Variants in CELF2 observed in about 807,000 individuals in gnomAD.
The protein encoded by CELF2 is CUG triplet repeat RNA-binding protein 2.
Under a neutral mutation model 62.6 loss-of-function variants are expected in CELF2, and 8 were observed. The observed-to-expected ratio is 0.13, with a 90% CI of 0.07 to 0.23. The LOEUF (loss-of-function observed/expected upper bound fraction) is 0.23, where lower values mean the gene tolerates loss of function less well. Among genes scored for constraint, CELF2 ranks in the 10% least tolerant of loss-of-function variants. CELF2 has a pLI of 1.00. For synonymous variants in CELF2, 258 were observed against 250.0 expected, an observed-to-expected ratio of 1.03 and a Z score of -0.30; for missense variants, 333 against 671.0, an observed-to-expected ratio of 0.50 and a Z score of 5.56.
the CELF2 span, among the ~76,000 whole-genome samples, chr10:10,681,801 A>G: frequency 1.3e-5 from 2 of 152,204 alleles, no homozygotes; most frequent in South Asian, 2.1e-4. Context: ...CTCCTAATTC[A>G]TCAATCTTAC....
At chr10:10,574,872 GTTT>G in the CELF2 span, among the ~76,000 whole-genome samples, 5 of 105,978 alleles carry the variant, frequency 4.7e-5, no homozygotes, top group African/African-American at 9.6e-5. Flanking sequence ...ACCATGCCTG[GTTT>G]TTTTTTTTTT....
intron 3 of CELF2, among the ~76,000 whole-genome samples, chr10:11,218,271 A>C (rs1470274520): frequency 6.6e-6 from 1 of 152,258 alleles, no homozygotes; most frequent in Non-Finnish European, 1.5e-5. Flanking sequence ...TGTTATAATG[A>C]AGCACCTGTG....
At chr10:10,560,974 CA>C in the CELF2 span, among the ~76,000 whole-genome samples, 3 of 141,272 alleles carry the variant, frequency 2.1e-5, no homozygotes, top group Non-Finnish European at 3.0e-5. Flanking sequence ...TATGAGGATG[CA>C]AAGGCATAAG....
At chr10:10,680,358 G>T in the CELF2 span, among the ~76,000 whole-genome samples, 1 of 152,150 alleles carries the variant, frequency 6.6e-6, no homozygotes, top group Non-Finnish European at 1.5e-5. Context: ...AACAGTTTTG[G>T]TTTATTATAG....
chr10:11,332,984 C>T lies in CELF2; in HGVS notation c.*3931C>T, dbSNP rs2096057409. On this transcript the variant is annotated 3_prime_UTR_variant, in exon 13 of 13. Transcript: ENST00000633077. ...CGTACGTGGAAACACAAGAGCCCAC[C>T]ACTTGAATTTCTAAGACCATTTCAT... The T allele has an allele frequency of 6.6e-6, 1 of 152,628 alleles. No homozygotes were observed. The highest frequency in any genetic ancestry group is 2.4e-5 in the African/African-American group (1 of 41,454). The allele number at this position is 152,628 out of a possible 1,614,324, so 9.5% of individuals were successfully genotyped here. A position where few individuals can be genotyped will look rare whatever the true frequency, so the allele number is the denominator to read the frequency against.
Position 11,012,813 on chromosome 10 carries a change from C to T in CELF2, c.53+7373C>T, listed in dbSNP as rs1175577689. On this transcript the variant is annotated intron_variant, in intron 1 of 12. Coordinates refer to the CELF2 transcript ENST00000416382. The surrounding 1 kb of genome is among the most constrained non-coding windows in gnomAD (Gnocchi z 5.5). ...CCGCCAGGCTGGCACCAGATAAGGG[C>T]ACTTGGTATGGTTTGACAAATCTCG... is the stretch of plus-strand genomic sequence containing the variant. Among the ~76,000 whole-genome samples, 1 of 152,020 alleles carries T rather than the reference C, an allele frequency of 6.6e-6. No homozygotes were observed. The highest frequency in any genetic ancestry group is 1.5e-5 in the Non-Finnish European group (1 of 68,024).
chr10:10,578,112 G>A, the CELF2 span, among the ~76,000 whole-genome samples: 1 of 152,202 alleles, frequency 6.6e-6, no homozygotes, highest in South Asian at 2.1e-4. Context: ...GATGGCCAGT[G>A]ATGATGAGCA....
At chr10:10,653,427 C>G in the CELF2 span, among the ~76,000 whole-genome samples, 1 of 148,186 alleles carries the variant, frequency 6.7e-6, no homozygotes, top group Non-Finnish European at 1.5e-5. Context: ...TTTTTCAGCA[C>G]CACACCACAC....
intron 5 of CELF2, among the ~76,000 whole-genome samples, chr10:11,259,777 A>G (rs79501089): frequency 6.6e-6 from 1 of 152,234 alleles, no homozygotes; most frequent in Non-Finnish European, 1.5e-5. Flanking sequence ...CATCATATAT[A>G]TGTCCACTTA....
chr10:10,504,957 T>A, the CELF2 span, among the ~76,000 whole-genome samples: 1 of 152,186 alleles, frequency 6.6e-6, no homozygotes, highest in Non-Finnish European at 1.5e-5. Context: ...TTGTAATTGC[T>A]TGTTGAAGTA....
intron 4 of CELF2, among the ~76,000 whole-genome samples, chr10:11,253,944 A>C (rs1333321984): frequency 1.3e-5 from 2 of 152,014 alleles, no homozygotes; most frequent in African/African-American, 4.8e-5. Context: ...TTGGTTTTTT[A>C]ATTCCTTAAA....
At chr10:10,856,719 A>T (rs542024308) in intron 1 of CELF2, among the ~76,000 whole-genome samples, 165 of 152,284 alleles carry the variant, frequency 1.1e-3, no homozygotes, top group South Asian at 2.1e-3. Context: ...TTCTCAAAGG[A>T]TTTACTTCTG....
the CELF2 span, among the ~76,000 whole-genome samples, chr10:10,496,927 T>G: frequency 1.3e-5 from 2 of 152,114 alleles, no homozygotes; most frequent in Non-Finnish European, 2.9e-5. Context: ...AAGTGGTTCA[T>G]GCCTGTAATC....
Position 11,211,604 on chromosome 10 carries a change from T to C in CELF2, c.272-5821T>C, listed in dbSNP as rs1486825812. 1.3e-5 allele frequency among the ~76,000 whole-genome samples: 2 copies of C among 152,192 alleles called. No homozygotes were observed. Among genetic ancestry groups the C allele is most frequent in the Non-Finnish European group, 2.9e-5 (2 of 68,032 alleles). On this transcript the variant is annotated intron_variant, in intron 2 of 12. Coordinates refer to ENST00000633077, the MANE Select transcript of CELF2 (RefSeq NM_001326342.2). The surrounding 1 kb of genome is among the most constrained non-coding windows in gnomAD (Gnocchi z 4.8). ...TCCTGTGAGTATTATTACCCAGAGTTTCCAAGTAAAGATTTTCAAGGGAAA... is the reference window on the plus strand; with the variant it reads ...TCCTGTGAGTATTATTACCCAGAGTCTCCAAGTAAAGATTTTCAAGGGAAA...
At chr10:10,829,110 G>T (rs1188714840) in intron 1 of CELF2, among the ~76,000 whole-genome samples, 4 of 152,182 alleles carry the variant, frequency 2.6e-5, no homozygotes, top group Non-Finnish European at 5.9e-5. Context: ...GTTGAGGAAT[G>T]GTTCATTGTC....
Position 11,224,809 on chromosome 10 carries a change from A to T in CELF2, c.354+7302A>T, listed in dbSNP as rs116762559. On this transcript the variant is annotated intron_variant, in intron 3 of 12. Coordinates refer to ENST00000633077, the MANE Select transcript of CELF2 (RefSeq NM_001326342.2). The surrounding 1 kb of genome is among the most constrained non-coding windows in gnomAD (Gnocchi z 4.5). ...AGCCTGGAGCTTTAGGCCACACAAA[A>T]AGCATACAGCATGGGTAGATGTGGA... is the stretch of plus-strand genomic sequence containing the variant. Among the ~76,000 whole-genome samples, 1,827 of 152,226 alleles carry T rather than the reference A, an allele frequency of 0.012. 30 individuals carry two copies. Among genetic ancestry groups the T allele is most frequent in the African/African-American group, 0.042 (1,750 of 41,524 alleles).
chr10:10,874,330 AAAAG>A (rs1379705839), intron 1 of CELF2, among the ~76,000 whole-genome samples: 11 of 152,102 alleles, frequency 7.2e-5, no homozygotes, highest in African/African-American at 1.7e-4. Flanking sequence ...TCTGTCTCTT[AAAAG>A]AAAGAGTAGT....
rs1564628273 is a variant in CELF2 at position 11,075,318 on chromosome 10, T to TC, written c.74+57159dup. On this transcript the variant is annotated intron_variant, in intron 1 of 12. Coordinates refer to ENST00000633077, the MANE Select transcript of CELF2 (RefSeq NM_001326342.2). The surrounding 1 kb of genome is among the most constrained non-coding windows in gnomAD (Gnocchi z 5.4). ...ATGCCCTTTCAGCATTCCTCTTCTCTCCCCGCCCCCGTCTCTTCTAAAACA... is the reference window on the plus strand; with the variant it reads ...ATGCCCTTTCAGCATTCCTCTTCTCTCCCCCGCCCCCGTCTCTTCTAAAACA... The TC allele has an allele frequency of 2.0e-5, 3 of 152,140 alleles. No individual in the cohort carries two copies. The highest frequency in any genetic ancestry group is 7.2e-5 in the African/African-American group (3 of 41,510). The allele number at this position is 152,140 out of a possible 1,614,324, so 9.4% of individuals were successfully genotyped here.
intron 1 of CELF2, among the ~76,000 whole-genome samples, chr10:11,081,734 T>C (rs2773485): frequency 0.33 from 49,768 of 152,096 alleles, 8,878 homozygotes; most frequent in African/African-American, 0.43. Flanking sequence ...TTGACACATT[T>C]TTTTGCCCAC....
Sources: gnomAD v4.1 joint callset for allele counts (sites outside exome capture counted in the v4.1 genomes callset) on GRCh38, gnomAD v4.1.1 for gene constraint, Gnocchi (gnomAD v3.1) non-coding constraint, MANE v1.5 for transcripts, NCBI Gene and HGNC (gene_info 2026-07-23, HGNC 2026-07-21) for gene names.